SLC9B1: variants seen among roughly 807,000 people sequenced by gnomAD.
The protein encoded by SLC9B1 is sodium/hydrogen exchanger 9B1.
A neutral mutation model predicts 51.7 loss-of-function variants in SLC9B1; 32 were observed. That is an observed-to-expected ratio of 0.62 (90% CI 0.47 to 0.83). SLC9B1 has a LOEUF of 0.83. Ranked by LOEUF, SLC9B1 falls within the 40% of genes least tolerant of loss-of-function variation. SLC9B1 has a pLI of 0.00. For missense variants in SLC9B1, 406 were observed against 613.2 expected (o/e 0.66, Z 3.57); for synonymous variants, 145 against 212.7 (o/e 0.68, Z 2.77).
At chr4:102,938,399 A>T (rs1468185465) in intron 6 of SLC9B1, among the ~76,000 whole-genome samples, 1 of 152,198 alleles carries the variant, frequency 6.6e-6, no homozygotes, top group Non-Finnish European at 1.5e-5. Flanking sequence ...CTATAGAGAA[A>T]CTTAGATAAC....
Position 102,885,294 on chromosome 4 carries a change from C to G in SLC9B1, c.1367G>C (p.Arg456Pro), listed in dbSNP as rs142253163. 3.7e-6 allele frequency: 6 copies of G among 1,613,916 alleles called. No homozygotes were observed. In the South Asian group the frequency reaches 4.4e-5, roughly 12 times the overall value. ...TACCTTGCAGTTCGTCCATTCCTCCCGAAGAAGAAACAACAGAAGGATAGC... is the reference window on the plus strand; with the variant it reads ...TACCTTGCAGTTCGTCCATTCCTCCGGAAGAAGAAACAACAGAAGGATAGC... Residue 456 changes from arginine to proline, a missense_variant, in exon 12 of 12, where the codon CGG becomes CCG. Arg to Pro is a moderately radical substitution (Grantham distance 103). Coordinates refer to the SLC9B1 transcript ENST00000394789.
At chr4:102,925,507 A>C (rs1486041701) in intron 7 of SLC9B1, among the ~76,000 whole-genome samples, 2 of 152,056 alleles carry the variant, frequency 1.3e-5, no homozygotes, top group Non-Finnish European at 2.9e-5. Flanking sequence ...CATATGTAAC[A>C]AACCTGCATG....
At chr4:102,899,242 CAATA>C (rs981467610), downstream of SLC9B1, among the ~76,000 whole-genome samples, 3 of 151,040 alleles carry the variant, frequency 2.0e-5, no homozygotes, top group East Asian at 1.9e-4. Flanking sequence ...AGAGAAAGTT[CAATA>C]AATAAAGAAT....
chr4:103,010,387 TG>T (rs1741032526), intron 1 of SLC9B1, among the ~76,000 whole-genome samples: 1 of 152,180 alleles, frequency 6.6e-6, no homozygotes, highest in African/African-American at 2.4e-5. Context: ...CTCACCCATG[TG>T]GGCACAGCCC....
At chr4:102,954,564 A>G (rs189457898) in intron 3 of SLC9B1, among the ~76,000 whole-genome samples, 2 of 152,200 alleles carry the variant, frequency 1.3e-5, no homozygotes, top group East Asian at 3.9e-4. Flanking sequence ...GATGGAAGAT[A>G]AATAAAGTCT....
intron 11 of SLC9B1, among the ~76,000 whole-genome samples, chr4:102,893,810 G>A (rs1734397566): frequency 6.6e-6 from 1 of 152,082 alleles, no homozygotes; most frequent in Middle Eastern, 3.4e-3. Context: ...TGTAATCCCA[G>A]CTTGAACCCA....
At chr4:102,930,553 C>G (rs1736397757) in intron 7 of SLC9B1, among the ~76,000 whole-genome samples, 1 of 152,042 alleles carries the variant, frequency 6.6e-6, no homozygotes, top group African/African-American at 2.4e-5. Context: ...TACAGATGCC[C>G]ACCACCATGC....
At chr4:102,971,052 C>T (rs576745475) in intron 3 of SLC9B1, among the ~76,000 whole-genome samples, 1 of 152,102 alleles carries the variant, frequency 6.6e-6, no homozygotes, top group African/African-American at 2.4e-5. Flanking sequence ...GACTTTAACA[C>T]CCCACTGTCA....
intron 7 of SLC9B1, among the ~76,000 whole-genome samples, chr4:102,927,718 T>A (rs1736258113): frequency 6.6e-6 from 1 of 152,186 alleles, no homozygotes; most frequent in Non-Finnish European, 1.5e-5. Context: ...GGCAATCCCA[T>A]TACTGGGTAT....
At chr4:103,004,837 G>C (rs1021484512) in intron 1 of SLC9B1, among the ~76,000 whole-genome samples, 2 of 152,112 alleles carry the variant, frequency 1.3e-5, no homozygotes, top group African/African-American at 2.4e-5. Context: ...AGTTAAAAGA[G>C]GCTTCATAAG....
In SLC9B1 at chr4:102,911,513, G is replaced by C; in HGVS notation, c.854C>G (p.Ala285Gly). The C allele has an allele frequency of 6.3e-7, 1 of 1,596,074 alleles. No individual in the cohort carries two copies. The highest frequency in any genetic ancestry group is 8.5e-7 in the Non-Finnish European group (1 of 1,179,100). ...SSGGILNNAI[A>G]SIRNVCISLL... ...ACTAATACATACGTTCCTTATAGAG[G>C]CTATGGCGTTATTAAGTATACCACC... Residue 285 changes from alanine to glycine, a missense_variant, in exon 8 of 12, where the codon GCC becomes GGC. By Grantham distance (60) the Ala-to-Gly change is moderately conservative. Coordinates refer to ENST00000296422, the MANE Select transcript of SLC9B1 (RefSeq NM_139173.4).
At chr4:102,998,493 A>G (rs898101332) in intron 1 of SLC9B1, among the ~76,000 whole-genome samples, 7 of 152,126 alleles carry the variant, frequency 4.6e-5, no homozygotes, top group African/African-American at 1.7e-4. Context: ...AGGTGTACCA[A>G]TATCTGTTTG....
rs778119399 is a variant in SLC9B1, at chr4:102,946,718, A to T, written c.454T>A (p.Trp152Arg). The T allele has an allele frequency of 1.2e-6, 2 of 1,610,448 alleles. No individual in the cohort carries two copies. Among genetic ancestry groups the T allele is most frequent in the South Asian group, 1.1e-5 (1 of 90,630 alleles). Reference sequence around the variant, plus strand: ...GCAATGCTTCTTAAAATTGAAGACCATGTGTTAGGAACATGGACATGTTCA... The same window carrying T: ...GCAATGCTTCTTAAAATTGAAGACCTTGTGTTAGGAACATGGACATGTTCA... ...INEHVHVPNT[W>R]SSILRSIALT... Residue 152 changes from tryptophan to arginine, a missense_variant, in exon 5 of 12, where the codon TGG becomes AGG. Physicochemically the swap from Trp to Arg is moderately radical, Grantham distance 101 (BLOSUM62 -3). Around this residue, in one of 6 missense-constraint regions of SLC9B1, gnomAD observed 250 missense variants for 394.1 expected, o/e 0.63. Coordinates refer to ENST00000296422, the MANE Select transcript of SLC9B1 (RefSeq NM_139173.4).
At chr4:103,002,235 T>A (rs1443668839) in intron 1 of SLC9B1, among the ~76,000 whole-genome samples, 3 of 152,216 alleles carry the variant, frequency 2.0e-5, no homozygotes, top group African/African-American at 4.8e-5. Context: ...CTAACTTGGT[T>A]TATTTCTACT....
intron 2 of SLC9B1, among the ~76,000 whole-genome samples, chr4:102,990,359 C>T (rs1383428508): frequency 6.6e-6 from 1 of 151,878 alleles, no homozygotes; most frequent in African/African-American, 2.4e-5. Context: ...ATTTATATAA[C>T]TGAAAGAAAA....
intron 2 of SLC9B1, 53 bp downstream of exon 2, chr4:102,991,590 T>C: frequency 1.7e-6 from 2 of 1,196,754 alleles, no homozygotes; most frequent in Non-Finnish European, 2.3e-6. Context: ...GAATAAATTT[T>C]AAGATCAGGT....
chr4:102,922,279 A>G lies in SLC9B1; in HGVS notation c.829+9845T>C, dbSNP rs184698710. Among the ~76,000 whole-genome samples the G allele has an allele frequency of 5.5e-3, 838 of 152,308 alleles. 8 individuals carry two copies. The highest frequency in any genetic ancestry group is 0.034 in the Middle Eastern group (10 of 294). On this transcript the variant is annotated intron_variant, in intron 7 of 11. Transcript: ENST00000296422. ...AGCTCCCTCAAAACTGAACAACTAC[A>G]TGGAACTGAACAATTTGCTCCTGAA...
In SLC9B1 at chr4:102,984,213, G is replaced by A. The variant is rs111656333; in HGVS notation, c.211+5587C>T. The stretch of plus-strand genomic sequence containing the variant: ...CTCATTATAGCCTCTGCCTCCTGGG[G>A]TAAGCAATCTTCCCACCTCAGCCTC... On this transcript the variant is annotated intron_variant, in intron 3 of 11. Transcript: ENST00000296422. Among the ~76,000 whole-genome samples the A allele has an allele frequency of 9.3e-3, 1,411 of 151,880 alleles. 15 individuals carry two copies. Among genetic ancestry groups the A allele is most frequent in the African/African-American group, 0.031 (1,273 of 41,418 alleles).
intron 3 of SLC9B1, among the ~76,000 whole-genome samples, chr4:102,975,594 T>A (rs1190281587): frequency 2.3e-4 from 28 of 122,742 alleles, no homozygotes; most frequent in African/African-American, 8.6e-4. Context: ...ATATTTTTTT[T>A]TTTTTTTTTT....
Sources: allele counts gnomAD v4.1 joint callset (sites outside exome capture counted in the v4.1 genomes callset), GRCh38; gene constraint gnomAD v4.1.1; regional missense constraint gnomAD v4.1.1; transcripts MANE v1.5; gene names NCBI Gene and HGNC (gene_info 2026-07-23, HGNC 2026-07-21).